The following BEND3 variants were observed in gnomAD, a reference collection of about 807,000 sequenced individuals.
BEND3 encodes the protein BEN domain-containing protein 3.
In BEND3, 13 loss-of-function variants were observed where a neutral mutation model predicts 60.1. The observed-to-expected ratio is 0.22, with a 90% CI of 0.14 to 0.34. BEND3 has a LOEUF of 0.34. Ranked by LOEUF, BEND3 falls within the 10% of genes least tolerant of loss-of-function variation. The pLI is 1.00. For missense variants in BEND3, 896 were observed against 1,138.1 expected (o/e 0.79, Z 3.06); for synonymous variants, 497 against 491.5 (o/e 1.01, Z -0.15).
intron 1 of BEND3, among the ~76,000 whole-genome samples, chr6:107,110,825 G>A (rs879991572): frequency 3.8e-4 from 57 of 151,936 alleles, no homozygotes; most frequent in Non-Finnish European, 7.1e-4. Context: ...AAAATGCTGG[G>A]ACTACAGGTG....
In BEND3 at chr6:107,070,614, A is replaced by G; in HGVS notation, c.577T>C (p.Tyr193His). ...GAGTDNDPNIYFLIQKMFYML... is the reference protein window; with the variant it reads ...GAGTDNDPNIHFLIQKMFYML... ...TAGAACATCTTCTGGATCAGGAAGT[A>G]GATGTTGGGGTCGTTGTCAGTGCCT... The change falls in exon 4 of 4, where the codon TAC (tyrosine) becomes CAC (histidine). Residue 193 changes from tyrosine (Y) to histidine (H), a missense_variant. Physicochemically the swap from Tyr to His is moderately conservative, Grantham distance 83. Coordinates refer to ENST00000369042, the MANE Select transcript of BEND3 (RefSeq NM_001367314.1). The surrounding 1 kb of genome is among the most constrained non-coding windows in gnomAD (Gnocchi z 6.9). 4 of 1,612,318 alleles carry G rather than the reference A, an allele frequency of 2.5e-6. No homozygotes were observed. The highest frequency in any genetic ancestry group is 3.4e-6 in the Non-Finnish European group (4 of 1,179,932).
At position 107,072,166 on chromosome 6, in the gene BEND3, A is replaced by G. The variant is rs1417408022; in HGVS notation, c.241-1216T>C. Among the ~76,000 whole-genome samples the G allele has an allele frequency of 3.9e-5, 6 of 152,210 alleles. No individual in the cohort carries two copies. The East Asian group carries it at 1.2e-3, about 29-fold the overall frequency. On this transcript the variant is annotated intron_variant, in intron 3 of 3. Transcript: ENST00000369042. ...GAGCAGGGAGCCTTTGCTCCCACTG[A>G]CAGGCATGTGCCTCGGGCAACTGGG...
At chr6:107,091,571 T>C in intron 3 of BEND3, among the ~76,000 whole-genome samples, 1 of 152,134 alleles carries the variant, frequency 6.6e-6, no homozygotes, top group Non-Finnish European at 1.5e-5. Context: ...AAGAGACTAA[T>C]TCCTTAAAAG....
chr6:107,081,196 C>T (rs1312515485), intron 3 of BEND3, among the ~76,000 whole-genome samples: 2 of 151,506 alleles, frequency 1.3e-5, no homozygotes, highest in Non-Finnish European at 2.9e-5. Flanking sequence ...GCATGAGTCA[C>T]AGCGCCTGGC....
rs1245756137 is a variant in BEND3, at chr6:107,065,312, T to C, written c.*3392A>G. The C allele has an allele frequency of 6.6e-6, 1 of 152,648 alleles. No homozygotes were observed. Among genetic ancestry groups the C allele is most frequent in the Non-Finnish European group, 1.5e-5 (1 of 68,040 alleles). The allele number at this position is 152,648 out of a possible 1,614,324, so 9.5% of individuals were successfully genotyped here. On this transcript the variant is annotated 3_prime_UTR_variant, in exon 4 of 4. Coordinates refer to ENST00000369042, the MANE Select transcript of BEND3 (RefSeq NM_001367314.1). Reference sequence around the variant, plus strand: ...TTTGTTACATTCAGTTTCCTAAGGATGCACTCCAATCTATGGTAAAATGCA... The same window carrying C: ...TTTGTTACATTCAGTTTCCTAAGGACGCACTCCAATCTATGGTAAAATGCA...
At position 107,070,877 on chromosome 6, in the gene BEND3, C is replaced by A. The variant is rs545145672; in HGVS notation, c.314G>T (p.Gly105Val). ...AGGCCACACATTGCCCAGGCTCCTGCCCCTGCCGGCCTGCTCACCATTGCC... is the reference window on the plus strand; with the variant it reads ...AGGCCACACATTGCCCAGGCTCCTGACCCTGCCGGCCTGCTCACCATTGCC... ...CQGNGEQAGR[G>V]RSLGNVWPGE... Residue 105 changes from glycine (G) to valine (V), a missense_variant, in exon 4 of 4, where the codon GGC (glycine) becomes GTC (valine). Coordinates refer to ENST00000369042, the MANE Select transcript of BEND3 (RefSeq NM_001367314.1). The surrounding 1 kb of genome is among the most constrained non-coding windows in gnomAD (Gnocchi z 6.9). The A allele has an allele frequency of 1.2e-6, 2 of 1,613,962 alleles. No individual in the cohort carries two copies. Among genetic ancestry groups the A allele is most frequent in the African/African-American group, 1.3e-5 (1 of 75,060 alleles).
chr6:107,107,278 A>T lies in BEND3; in HGVS notation c.-12+7812T>A, dbSNP rs902778065. 2.6e-5 allele frequency among the ~76,000 whole-genome samples: 4 copies of T among 152,160 alleles called. 1 individual carries two copies. Among genetic ancestry groups the T allele is most frequent in the Admixed American group, 2.6e-4 (4 of 15,280 alleles). On this transcript the variant is annotated intron_variant, in intron 1 of 3. Transcript: ENST00000369042. ...CGAGTTAAAATATTTAGCATCTAACACCAGGCCAGCTGTTTACCTACCCAT... is the reference window on the plus strand; with the variant it reads ...CGAGTTAAAATATTTAGCATCTAACTCCAGGCCAGCTGTTTACCTACCCAT...
In BEND3 at chr6:107,070,762, ATTC is replaced by A. The variant is rs1562298825; in HGVS notation, c.426_428del (p.Lys142del). On this transcript the variant is annotated inframe_deletion, in exon 4 of 4. Transcript: ENST00000369042. This position sits in a 1 kb window ranked among gnomAD's most constrained non-coding sequence, Gnocchi z 6.9. ...CGTTTAGCAGGTCCCCCGAGGGAGGATTCTTCTTCTCCATGATCTTGTGCGAGA... is the reference window on the plus strand; with the variant it reads ...CGTTTAGCAGGTCCCCCGAGGGAGGATTCTTCTCCATGATCTTGTGCGAGA... 4 of 1,613,876 alleles carry A rather than the reference ATTC, an allele frequency of 2.5e-6. No homozygotes were observed. Among genetic ancestry groups the A allele is most frequent in the East Asian group, 2.2e-5 (1 of 44,860 alleles).
intron 1 of BEND3, among the ~76,000 whole-genome samples, chr6:107,108,652 C>T (rs970090468): frequency 4.6e-5 from 7 of 152,172 alleles, no homozygotes; most frequent in African/African-American, 1.7e-4. Context: ...CAAACCAAAA[C>T]AGCCCCTGAC....
In BEND3 at chr6:107,066,765, T is replaced by G. The variant is rs1554230902; in HGVS notation, c.*1939A>C. 1 of 152,236 alleles carries G rather than the reference T, an allele frequency of 6.6e-6. No homozygotes were observed. The highest frequency in any genetic ancestry group is 1.5e-5 in the Non-Finnish European group (1 of 67,980). The allele number at this position is 152,236 out of a possible 1,614,324, so 9.4% of individuals were successfully genotyped here. ...GGGCCACAGCTGTCTTTGGGTAGGG[T>G]GCGTGTGTGTGCATGCTGTGTGCAT... On this transcript the variant is annotated 3_prime_UTR_variant, in exon 4 of 4. Coordinates refer to ENST00000369042, the MANE Select transcript of BEND3 (RefSeq NM_001367314.1).
At chr6:107,098,033 T>C (rs1441129940) in intron 3 of BEND3, among the ~76,000 whole-genome samples, 1 of 150,826 alleles carries the variant, frequency 6.6e-6, no homozygotes, top group Non-Finnish European at 1.5e-5. Context: ...GAGTTGGCTG[T>C]GCACTATGGC....
intron 1 of BEND3, chr6:107,106,127 T>C (rs921431364): frequency 3.3e-5 from 5 of 152,272 alleles, no homozygotes; most frequent in Admixed American, 3.3e-4. Context: ...AAGGAACTTC[T>C]CTGCTACAGG....
chr6:107,074,006 C>G (rs928035120), intron 3 of BEND3, among the ~76,000 whole-genome samples: 1 of 152,224 alleles, frequency 6.6e-6, no homozygotes, highest in South Asian at 2.1e-4. Flanking sequence ...CCTTGTAAGC[C>G]TCACCTTCCT....
At chr6:107,114,437 C>A (rs1345394058) in intron 1 of BEND3, 3 of 151,854 alleles carry the variant, frequency 2.0e-5, no homozygotes, top group African/African-American at 7.2e-5. Flanking sequence ...GCCCATCCCT[C>A]TCCGCTCCCG....
Position 107,099,291 on chromosome 6 carries a change from A to C in BEND3, c.-6T>G. On this transcript the variant is annotated 5_prime_UTR_variant, in exon 2 of 4. Coordinates refer to ENST00000369042, the MANE Select transcript of BEND3 (RefSeq NM_001367314.1). The stretch of plus-strand genomic sequence containing the variant: ...GTGAATTCAGTTGAGTTCATCTTCT[A>C]TTCCGCTAAATAAAAAGACAAAGAC... 6.2e-7 allele frequency: 1 copy of C among 1,607,580 alleles called. No homozygotes were observed.
rs1554237117 is a variant in BEND3 at position 107,104,346 on chromosome 6, T to C, written c.-11-5050A>G. Reference sequence around the variant, plus strand: ...TCACAAAGAGATAGGCTGGAAAGAGTTACACACTACAGGACACTTCATCTT... The same window carrying C: ...TCACAAAGAGATAGGCTGGAAAGAGCTACACACTACAGGACACTTCATCTT... On this transcript the variant is annotated intron_variant, in intron 1 of 3. Coordinates refer to ENST00000369042, the MANE Select transcript of BEND3 (RefSeq NM_001367314.1). 2.0e-5 allele frequency among the ~76,000 whole-genome samples: 3 copies of C among 149,856 alleles called. No individual in the cohort carries two copies. The South Asian group carries it at 6.4e-4, about 32-fold the overall frequency.
At chr6:107,113,754 G>A (rs1274611418) in intron 1 of BEND3, 1 of 151,916 alleles carries the variant, frequency 6.6e-6, no homozygotes, top group Non-Finnish European at 1.5e-5. Context: ...ATCTAGGGAT[G>A]AATGGTTTAA....
Position 107,065,947 on chromosome 6 carries a change from G to A in BEND3, c.*2757C>T, listed in dbSNP as rs1054991960. The A allele has an allele frequency of 2.0e-5, 3 of 152,312 alleles. No individual in the cohort carries two copies. The highest frequency in any genetic ancestry group is 4.4e-5 in the Non-Finnish European group (3 of 68,022). The allele number at this position is 152,312 out of a possible 1,614,324, so 9.4% of individuals were successfully genotyped here. On this transcript the variant is annotated 3_prime_UTR_variant, in exon 4 of 4. Transcript: ENST00000369042. ...GCCAAGGTGAACTGAAGGGGGATGC[G>A]AACACTCAGTACATTCGTGACTATC...
At chr6:107,077,614 G>C (rs1286829060) in intron 3 of BEND3, among the ~76,000 whole-genome samples, 10 of 152,332 alleles carry the variant, frequency 6.6e-5, no homozygotes, top group Middle Eastern at 3.4e-3. Flanking sequence ...GAAGGGAAAA[G>C]AGGAAGAACA....
Sources: allele counts gnomAD v4.1 joint callset (sites outside exome capture counted in the v4.1 genomes callset), GRCh38; gene constraint gnomAD v4.1.1; non-coding constraint Gnocchi (gnomAD v3.1); transcripts MANE v1.5; gene names NCBI Gene and HGNC (gene_info 2026-07-23, HGNC 2026-07-21).